HSD17B12: variants seen among roughly 807,000 people sequenced by gnomAD.
HSD17B12 encodes hydroxysteroid 17-beta dehydrogenase 12.
In HSD17B12, 32 loss-of-function variants were observed where a neutral mutation model predicts 39.3. That is an observed-to-expected ratio of 0.81 (90% confidence interval 0.61 to 1.09). The LOEUF (loss-of-function observed/expected upper bound fraction) is 1.09. HSD17B12 is among the 50% of genes least tolerant of loss of function. The pLI is 0.00. For synonymous variants in HSD17B12, 150 were observed against 146.7 expected, an observed-to-expected ratio of 1.02 and a Z score of -0.16; for missense variants, 342 against 382.9, an observed-to-expected ratio of 0.89 and a Z score of 0.89.
chr11:43,819,052 T>A (rs7105125), intron 6 of HSD17B12, among the ~76,000 whole-genome samples: 34,234 of 152,128 alleles, frequency 0.23, 4,108 homozygotes, highest in Middle Eastern at 0.37. Flanking sequence ...ACAATGTACA[T>A]GTGTTTCATA....
intron 3 of HSD17B12, among the ~76,000 whole-genome samples, chr11:43,780,344 T>C (rs1331530389): frequency 6.6e-6 from 1 of 152,112 alleles, no homozygotes; most frequent in Non-Finnish European, 1.5e-5. Flanking sequence ...TTTTTTATAT[T>C]TTTAGTACAG....
chr11:43,558,844 G>A, the HSD17B12 span, among the ~76,000 whole-genome samples: 1 of 151,992 alleles, frequency 6.6e-6, no homozygotes, highest in African/African-American at 2.4e-5. Flanking sequence ...ATTTGGGGAG[G>A]GTGCTTGGAA....
intron 3 of HSD17B12, among the ~76,000 whole-genome samples, chr11:43,770,122 C>T (rs1428315580): frequency 6.6e-6 from 1 of 152,198 alleles, no homozygotes; most frequent in East Asian, 1.9e-4. Context: ...AGGACTTGTT[C>T]CCATAGCATT....
chr11:43,782,154 C>T (rs1033936214), intron 3 of HSD17B12, among the ~76,000 whole-genome samples: 1 of 152,146 alleles, frequency 6.6e-6, no homozygotes, highest in African/African-American at 2.4e-5. Context: ...ACAAAGCTCA[C>T]ATATTTATTT....
chr11:43,761,589 C>G (rs1475673187), intron 3 of HSD17B12, among the ~76,000 whole-genome samples: 1 of 152,192 alleles, frequency 6.6e-6, no homozygotes, highest in Non-Finnish European at 1.5e-5. Flanking sequence ...TTACTGAGGT[C>G]ACTCAGTGAT....
At chr11:43,598,770 T>C in the HSD17B12 span, among the ~76,000 whole-genome samples, 1 of 152,094 alleles carries the variant, frequency 6.6e-6, no homozygotes, top group Non-Finnish European at 1.5e-5. Context: ...CAGAGTGGGG[T>C]ATGCGGGTGC....
chr11:43,607,967 C>T, the HSD17B12 span, among the ~76,000 whole-genome samples: 1 of 152,192 alleles, frequency 6.6e-6, no homozygotes, highest in African/African-American at 2.4e-5. Context: ...TCAGTACATC[C>T]TGAGTGCACA....
the HSD17B12 span, among the ~76,000 whole-genome samples, chr11:43,627,664 T>G: frequency 6.6e-6 from 1 of 152,022 alleles, no homozygotes; most frequent in African/African-American, 2.4e-5. Context: ...TGCCAATGCT[T>G]AAGATCCTGA....
At chr11:43,587,371 G>T in the HSD17B12 span, among the ~76,000 whole-genome samples, 1 of 151,964 alleles carries the variant, frequency 6.6e-6, no homozygotes, top group Admixed American at 6.5e-5. Context: ...GACATCCCTA[G>T]GTTCCATAGA....
chr11:43,732,636 T>C (rs1394752630), intron 1 of HSD17B12, among the ~76,000 whole-genome samples: 1 of 152,130 alleles, frequency 6.6e-6, no homozygotes, highest in Non-Finnish European at 1.5e-5. Flanking sequence ...GCTAACCTTT[T>C]TTATTTTTTG....
chr11:43,598,564 C>T, the HSD17B12 span, among the ~76,000 whole-genome samples: 1 of 152,054 alleles, frequency 6.6e-6, no homozygotes, highest in Non-Finnish European at 1.5e-5. Context: ...CTGCAGCTCT[C>T]TTCTCTTCCT....
chr11:43,784,429 C>T (rs1309332423), intron 3 of HSD17B12, among the ~76,000 whole-genome samples: 1 of 138,020 alleles, frequency 7.2e-6, no homozygotes, highest in African/African-American at 2.8e-5. Flanking sequence ...TCTTTTCCTC[C>T]TGTCTTATAA....
At chr11:43,676,397 G>T (rs923114415), upstream of HSD17B12, among the ~76,000 whole-genome samples, 1 of 152,152 alleles carries the variant, frequency 6.6e-6, no homozygotes, top group African/African-American at 2.4e-5. Context: ...GAAATAATCA[G>T]CTTACAGCTG....
At chr11:43,733,107 T>C (rs1950284454) in intron 1 of HSD17B12, among the ~76,000 whole-genome samples, 2 of 152,220 alleles carry the variant, frequency 1.3e-5, no homozygotes, top group African/African-American at 4.8e-5. Context: ...TAATGAAAAA[T>C]AAAGTTGGAT....
intron 6 of HSD17B12, among the ~76,000 whole-genome samples, chr11:43,822,750 G>A: frequency 6.6e-6 from 1 of 152,238 alleles, no homozygotes; most frequent in Non-Finnish European, 1.5e-5. Flanking sequence ...ATTTGGGTTG[G>A]TTCCAAGTCT....
intron 4 of HSD17B12, among the ~76,000 whole-genome samples, 193 bp from the exon 5 acceptor site, chr11:43,815,244 G>C (rs1434779534): frequency 6.6e-6 from 1 of 152,128 alleles, no homozygotes; most frequent in Admixed American, 6.6e-5. Flanking sequence ...GTTTAATGAA[G>C]GAAGAGACAT....
the HSD17B12 span, among the ~76,000 whole-genome samples, chr11:43,598,758 G>A: frequency 1.3e-5 from 2 of 152,084 alleles, no homozygotes; most frequent in African/African-American, 2.4e-5. Flanking sequence ...TGCCTTCCAC[G>A]TCAGAGTGGG....
the HSD17B12 span, among the ~76,000 whole-genome samples, chr11:43,672,824 A>C: frequency 9.9e-5 from 15 of 152,240 alleles, no homozygotes; most frequent in Non-Finnish European, 1.8e-4. Flanking sequence ...TACAGGCGTG[A>C]GTCGCCGCAC....
chr11:43,673,492 CTT>C, the HSD17B12 span: 7 of 83,902 alleles, frequency 8.3e-5, no homozygotes, highest in East Asian at 4.3e-4. Context: ...CTTTTCTTTT[CTT>C]TTTTTTTTTT....
Sources: allele counts gnomAD v4.1 joint callset (sites outside exome capture counted in the v4.1 genomes callset), GRCh38; gene constraint gnomAD v4.1.1; transcripts MANE v1.5; gene names NCBI Gene and HGNC (gene_info 2026-07-23, HGNC 2026-07-21).